Variants in KCTD8 observed in about 807,000 individuals in gnomAD.
KCTD8 encodes BTB/POZ domain-containing protein KCTD8.
In KCTD8, 27 loss-of-function variants were observed where a neutral mutation model predicts 31.5. The observed-to-expected ratio is 0.86, with a 90% CI of 0.63 to 1.18. KCTD8 has a LOEUF of 1.18. Ranked by LOEUF, KCTD8 falls within the 50% of genes most tolerant of loss-of-function variation. KCTD8 has a pLI of 0.00. For missense variants in KCTD8, 658 were observed against 647.7 expected (o/e 1.02, Z -0.17); for synonymous variants, 290 against 280.0 (o/e 1.04, Z -0.36).
chr4:44,390,497 T>C (rs1341741121), intron 1 of KCTD8, among the ~76,000 whole-genome samples: 1 of 152,052 alleles, frequency 6.6e-6, no homozygotes, highest in Non-Finnish European at 1.5e-5. Context: ...TTGGTCTATG[T>C]GCCTATTTTT....
chr4:44,205,634 TATAAG>T (rs1211529118), intron 1 of KCTD8, among the ~76,000 whole-genome samples: 1 of 152,222 alleles, frequency 6.6e-6, no homozygotes, highest in Admixed American at 6.5e-5. Context: ...ATACAATTTC[TATAAG>T]ATAAGTTACC....
At chr4:44,377,042 A>T (rs1484299695) in intron 1 of KCTD8, among the ~76,000 whole-genome samples, 3 of 152,196 alleles carry the variant, frequency 2.0e-5, no homozygotes, top group African/African-American at 7.2e-5. Flanking sequence ...CCACATGTTT[A>T]AGTATTTAAA....
chr4:44,177,035 T>TA (rs1236959982), intron 1 of KCTD8, among the ~76,000 whole-genome samples: 6 of 152,170 alleles, frequency 3.9e-5, no homozygotes, highest in African/African-American at 9.7e-5. Context: ...ACCAAATATT[T>TA]AAAAAAATTG....
intron 1 of KCTD8, among the ~76,000 whole-genome samples, chr4:44,390,682 G>T (rs565426194): frequency 6.6e-6 from 1 of 151,748 alleles, no homozygotes; most frequent in Non-Finnish European, 1.5e-5. Flanking sequence ...AGCATAACGC[G>T]ATACCACCTT....
At chr4:44,240,484 T>C (rs1268983448) in intron 1 of KCTD8, among the ~76,000 whole-genome samples, 1 of 152,156 alleles carries the variant, frequency 6.6e-6, no homozygotes, top group Admixed American at 6.5e-5. Flanking sequence ...TTGTTAGTAG[T>C]CCCGGGATTT....
chr4:44,359,047 A>G (rs1719430561), intron 1 of KCTD8, among the ~76,000 whole-genome samples: 1 of 152,100 alleles, frequency 6.6e-6, no homozygotes, highest in Admixed American at 6.6e-5. Flanking sequence ...AGTTATTTGT[A>G]GATTCTGGAT....
At chr4:44,198,275 G>A (rs1714010144) in intron 1 of KCTD8, among the ~76,000 whole-genome samples, 1 of 152,196 alleles carries the variant, frequency 6.6e-6, no homozygotes, top group Non-Finnish European at 1.5e-5. Flanking sequence ...TGCTAGAGAG[G>A]TAAACATGCA....
At chr4:44,273,801 A>G (rs1304446298) in intron 1 of KCTD8, among the ~76,000 whole-genome samples, 1 of 151,916 alleles carries the variant, frequency 6.6e-6, no homozygotes, top group Non-Finnish European at 1.5e-5. Context: ...TGACTGATAA[A>G]CCCAAAACAC....
Position 44,237,017 on chromosome 4 carries a change from G to A in KCTD8, c.962-61767C>T, listed in dbSNP as rs112715237. ...CCTCCCAAGCCACATGGAACTGTGAGTCCATTAAACCTGTTTTTCTTTTTA... is the reference window on the plus strand; with the variant it reads ...CCTCCCAAGCCACATGGAACTGTGAATCCATTAAACCTGTTTTTCTTTTTA... On this transcript the variant is annotated intron_variant, in intron 1 of 1. Coordinates refer to ENST00000360029, the MANE Select transcript of KCTD8 (RefSeq NM_198353.3). 9.1e-3 allele frequency among the ~76,000 whole-genome samples: 1,384 copies of A among 152,324 alleles called. 20 individuals carry two copies. The highest frequency in any genetic ancestry group is 0.031 in the African/African-American group (1,294 of 41,570).
At chr4:44,251,287 C>T (rs1451480359) in intron 1 of KCTD8, among the ~76,000 whole-genome samples, 1 of 151,584 alleles carries the variant, frequency 6.6e-6, no homozygotes, top group Non-Finnish European at 1.5e-5. Flanking sequence ...CATAAAAATT[C>T]AGGACTTGTC....
At chr4:44,290,346 G>T (rs950126975) in intron 1 of KCTD8, among the ~76,000 whole-genome samples, 3 of 152,002 alleles carry the variant, frequency 2.0e-5, no homozygotes, top group South Asian at 2.1e-4. Context: ...AAAACACACA[G>T]ATAGCCACAC....
chr4:44,397,961 T>C (rs1393917036), intron 1 of KCTD8, among the ~76,000 whole-genome samples: 2 of 152,164 alleles, frequency 1.3e-5, no homozygotes, highest in Admixed American at 6.6e-5. Context: ...ACAAATTAAA[T>C]GTACTATCCT....
At chr4:44,201,304 G>T (rs759803897) in intron 1 of KCTD8, among the ~76,000 whole-genome samples, 2 of 151,772 alleles carry the variant, frequency 1.3e-5, no homozygotes, top group African/African-American at 4.8e-5. Context: ...TTAGGAAAAA[G>T]GATTCTAAAA....
chr4:44,435,172 A>T (rs1318951013), intron 1 of KCTD8, among the ~76,000 whole-genome samples: 1 of 151,998 alleles, frequency 6.6e-6, no homozygotes, highest in African/African-American at 2.4e-5. Flanking sequence ...CAATTCATAT[A>T]GTACAATTCA....
At chr4:44,255,500 G>T (rs1715965315) in intron 1 of KCTD8, among the ~76,000 whole-genome samples, 1 of 151,464 alleles carries the variant, frequency 6.6e-6, no homozygotes, top group Non-Finnish European at 1.5e-5. Context: ...ATGTCTCCAG[G>T]TGCATCATTT....
chr4:44,303,508 G>A (rs1037890759), intron 1 of KCTD8, among the ~76,000 whole-genome samples: 6 of 152,068 alleles, frequency 3.9e-5, no homozygotes, highest in Non-Finnish European at 5.9e-5. Context: ...TATTTGCTTA[G>A]AGGTGTAATA....
At chr4:44,274,678 T>C (rs1357107793) in intron 1 of KCTD8, among the ~76,000 whole-genome samples, 1 of 151,954 alleles carries the variant, frequency 6.6e-6, no homozygotes, top group Non-Finnish European at 1.5e-5. Flanking sequence ...AATTTACTTG[T>C]ATCATTCATA....
chr4:44,412,273 T>C (rs1720979812), intron 1 of KCTD8, among the ~76,000 whole-genome samples: 2 of 152,114 alleles, frequency 1.3e-5, no homozygotes, highest in Admixed American at 1.3e-4. Context: ...CCTACAAGAC[T>C]ACTATAATAA....
At chr4:44,392,858 G>A (rs1427977827) in intron 1 of KCTD8, among the ~76,000 whole-genome samples, 2 of 151,858 alleles carry the variant, frequency 1.3e-5, no homozygotes, top group African/African-American at 4.8e-5. Context: ...CTATAGCTCT[G>A]TACAGCTGAA....
Sources: gnomAD v4.1 joint callset for allele counts (sites outside exome capture counted in the v4.1 genomes callset) on GRCh38, gnomAD v4.1.1 for gene constraint, MANE v1.5 for transcripts, NCBI Gene and HGNC (gene_info 2026-07-23, HGNC 2026-07-21) for gene names.